TRPM1: variants seen among roughly 807,000 people sequenced by gnomAD.
TRPM1 encodes the protein transient receptor potential cation channel subfamily M member 1, also known as TRPM1-203 APA Isoform, Intron 10.
In TRPM1, 113 loss-of-function variants were observed where a neutral mutation model predicts 149.4. The observed-to-expected ratio is 0.76, with a 90% CI of 0.65 to 0.88. The LOEUF is 0.88. Among genes scored for constraint, TRPM1 ranks in the 40% least tolerant of loss-of-function variants. The pLI, the probability that TRPM1 is intolerant of heterozygous loss-of-function variation, is 0.00. For missense variants in TRPM1, 1,976 were observed against 2,038.7 expected (o/e 0.97, Z 0.59); for synonymous variants, 741 against 759.5 (o/e 0.98, Z 0.40).
intron 1 of TRPM1, among the ~76,000 whole-genome samples, chr15:31,145,560 T>C (rs2036214614): frequency 2.0e-5 from 3 of 152,200 alleles, no homozygotes; most frequent in East Asian, 3.8e-4. Context: ...TTTTTCAAAT[T>C]GTATTTGTGG....
At chr15:31,134,741 C>A (rs891899485) in intron 1 of TRPM1, among the ~76,000 whole-genome samples, 1 of 152,232 alleles carries the variant, frequency 6.6e-6, no homozygotes, top group African/African-American at 2.4e-5. Context: ...GTGGCTCATA[C>A]CTGTAATCCC....
chr15:31,101,226 C>T (rs540619168), intron 1 of TRPM1, among the ~76,000 whole-genome samples: 13 of 152,326 alleles, frequency 8.5e-5, no homozygotes, highest in Non-Finnish European at 1.0e-4. Context: ...GGCCTGGAGC[C>T]GGGGCTCCTG....
Position 31,068,033 on chromosome 15 carries a change from A to G in TRPM1, c.339T>C (p.Asp113=), listed in dbSNP as rs756485084. The change falls in exon 5 of 28, where the codon GAT becomes GAC. Residue 113 remains aspartate (D), a synonymous_variant. Transcript: ENST00000256552. The stretch of plus-strand genomic sequence containing the variant: ...AGAGCTTGGGGAGTTCCAGCTGCCA[A>G]TCTTTCACCATGAGATGGAGCAGTG... ...PDSLLHLMVK[D]WQLELPKLLI... is the part of the protein sequence containing the mutation. The G allele has an allele frequency of 4.3e-6, 7 of 1,614,194 alleles. No homozygotes were observed. The highest frequency in any genetic ancestry group is 1.3e-5 in the African/African-American group (1 of 75,046).
At chr15:31,023,518 G>A (rs1431893788) in intron 27 of TRPM1, among the ~76,000 whole-genome samples, 1 of 152,196 alleles carries the variant, frequency 6.6e-6, no homozygotes, top group Admixed American at 6.5e-5. Context: ...GCTCAGGTAG[G>A]GGCAGCTACA....
intron 1 of TRPM1, among the ~76,000 whole-genome samples, chr15:31,093,003 G>C (rs1358439807): frequency 6.6e-6 from 1 of 152,234 alleles, no homozygotes. Context: ...GTTCATGCCT[G>C]TAATCCCAGC....
At chr15:31,125,665 G>T (rs934159123) in intron 1 of TRPM1, among the ~76,000 whole-genome samples, 6 of 134,972 alleles carry the variant, frequency 4.4e-5, no homozygotes, top group Non-Finnish European at 7.7e-5. Flanking sequence ...GGGAGGCGGA[G>T]CTTGCAGTGA....
chr15:31,007,006 T>A lies in TRPM1; in HGVS notation c.3630-3936A>T, dbSNP rs184934722. Among the ~76,000 whole-genome samples, 19 of 152,308 alleles carry A rather than the reference T, an allele frequency of 1.2e-4. No homozygotes were observed. In the East Asian group the frequency reaches 3.5e-3, roughly 28 times the overall value. On this transcript the variant is annotated intron_variant, in intron 27 of 27. Coordinates refer to ENST00000256552, the MANE Select transcript of TRPM1 (RefSeq NM_001252024.2). ...ATGGGTTTTAGAGTTCTTTAGATAT[T>A]TTGTATAAAAGTCTTTTGTCAGATA...
chr15:31,113,771 T>C lies in TRPM1; in HGVS notation c.55-36787A>G, dbSNP rs539438409. Among the ~76,000 whole-genome samples, 4 of 152,314 alleles carry C rather than the reference T, an allele frequency of 2.6e-5. No individual in the cohort carries two copies. In the South Asian group the frequency reaches 6.2e-4, roughly 24 times the overall value. ...GCATGCGGACCTTCCCGGTGAGTGT[T>C]ACAGCTCTTAAAGGTGGCAAGGACC... is the stretch of plus-strand genomic sequence containing the variant. On this transcript the variant is annotated intron_variant, in intron 1 of 26. Transcript: ENST00000542188.
chr15:31,062,176 T>A (rs1438903487), intron 9 of TRPM1, among the ~76,000 whole-genome samples: 2 of 152,190 alleles, frequency 1.3e-5, no homozygotes, highest in Admixed American at 6.5e-5. Flanking sequence ...GAAGAGGCCA[T>A]CTTATGTGCA....
At chr15:31,104,558 C>A (rs1016740896), upstream of TRPM1, among the ~76,000 whole-genome samples, 4 of 150,272 alleles carry the variant, frequency 2.7e-5, no homozygotes, top group East Asian at 1.9e-4. Context: ...GCCATGATAT[C>A]CCTAGGACTT....
intron 1 of TRPM1, among the ~76,000 whole-genome samples, chr15:31,143,823 C>G (rs963639235): frequency 9.2e-5 from 14 of 151,940 alleles, no homozygotes; most frequent in Admixed American, 9.2e-4. Context: ...AGAACGTTTG[C>G]TTTTCCTTCT....
At chr15:31,150,977 G>A (rs777344547) in intron 1 of TRPM1, among the ~76,000 whole-genome samples, 35 of 152,246 alleles carry the variant, frequency 2.3e-4, no homozygotes, top group Non-Finnish European at 2.6e-4. Context: ...GAAGCTACCC[G>A]AAATTCACAC....
At chr15:31,015,089 G>T (rs1030055435) in intron 27 of TRPM1, among the ~76,000 whole-genome samples, 3 of 152,094 alleles carry the variant, frequency 2.0e-5, no homozygotes, top group African/African-American at 7.2e-5. Context: ...TGAGGTCAAA[G>T]AATAATTTCA....
intron 16 of TRPM1, among the ~76,000 whole-genome samples, chr15:31,045,343 G>A (rs1284979080): frequency 2.0e-5 from 3 of 152,124 alleles, no homozygotes; most frequent in African/African-American, 4.8e-5. Context: ...TTGTTCTTAC[G>A]GTTGCTAGTA....
At position 31,113,483 on chromosome 15, in the gene TRPM1, A is replaced by C. The variant is rs561405394; in HGVS notation, c.55-36499T>G. Among the ~76,000 whole-genome samples, 122 of 152,188 alleles carry C rather than the reference A, an allele frequency of 8.0e-4. 1 individual carries two copies. The highest frequency in any genetic ancestry group is 2.8e-3 in the African/African-American group (117 of 41,490). On this transcript the variant is annotated intron_variant, in intron 1 of 26. Coordinates refer to the TRPM1 transcript ENST00000542188. The stretch of plus-strand genomic sequence containing the variant: ...GTATAGAGATAAAAATGGGTCAAAC[A>C]ATATCTTAAAGACAGTGACTGAGAA...
At chr15:31,023,702 C>T (rs887453217) in intron 27 of TRPM1, among the ~76,000 whole-genome samples, 3 of 152,128 alleles carry the variant, frequency 2.0e-5, no homozygotes, top group Admixed American at 6.5e-5. Context: ...AGCTTAATGG[C>T]GATGCCATTC....
intron 1 of TRPM1, among the ~76,000 whole-genome samples, chr15:31,086,759 A>G (rs962242481): frequency 6.6e-6 from 1 of 152,226 alleles, no homozygotes; most frequent in African/African-American, 2.4e-5. Context: ...GGTCTAAGGG[A>G]GGTTGTTAAA....
chr15:31,046,507 T>TG (rs1055617745), intron 15 of TRPM1, among the ~76,000 whole-genome samples: 6 of 152,084 alleles, frequency 3.9e-5, no homozygotes, highest in Admixed American at 1.3e-4. Context: ...TAGAGAGCTG[T>TG]GGGGCTGTAA....
chr15:31,049,901 C>T (rs1171137002), intron 12 of TRPM1, among the ~76,000 whole-genome samples: 1 of 152,132 alleles, frequency 6.6e-6, no homozygotes, highest in Non-Finnish European at 1.5e-5. Flanking sequence ...TAAGGGCAGG[C>T]ACACGTCACC....
Sources: gnomAD v4.1 joint callset for allele counts (sites outside exome capture counted in the v4.1 genomes callset) on GRCh38, gnomAD v4.1.1 for gene constraint, MANE v1.5 for transcripts, NCBI Gene and HGNC (gene_info 2026-07-23, HGNC 2026-07-21) for gene names.